The following TASP1 variants were observed in gnomAD, a reference collection of about 807,000 sequenced individuals.
TASP1 encodes the protein taspase 1, also known as threonine aspartase 1.
Under a neutral mutation model 56.6 loss-of-function variants are expected in TASP1, and 16 were observed. The observed-to-expected ratio is 0.28, with a 90% confidence interval of 0.19 to 0.43. The LOEUF (loss-of-function observed/expected upper bound fraction) is 0.43, where lower values mean the gene tolerates loss of function less well. TASP1 is among the 20% of genes least tolerant of loss of function. The pLI, the probability that TASP1 is intolerant of heterozygous loss-of-function variation, is 1.00. For synonymous variants in TASP1, 179 were observed against 184.2 expected (o/e 0.97, Z 0.23); for missense variants, 393 against 511.6 (o/e 0.77, Z 2.24).
At chr20:13,373,235 C>G in the TASP1 span, among the ~76,000 whole-genome samples, 1 of 151,530 alleles carries the variant, frequency 6.6e-6, no homozygotes, top group African/African-American at 2.4e-5. Context: ...TATTATAGCC[C>G]CAACAATACA....
chr20:13,593,380 G>C (rs1011381282), intron 4 of TASP1, among the ~76,000 whole-genome samples: 1 of 152,198 alleles, frequency 6.6e-6, no homozygotes, highest in Non-Finnish European at 1.5e-5. Flanking sequence ...AGGCCACGGA[G>C]GGTGAGCCGA....
chr20:13,392,730 CA>C (rs1388199277), intron 13 of TASP1: 1 of 575,902 alleles, frequency 1.7e-6, no homozygotes, highest in African/African-American at 1.9e-5. Context: ...CGCTGGTCAC[CA>C]GGGCTGCTTT....
At chr20:13,242,793 A>T in the TASP1 span, among the ~76,000 whole-genome samples, 3 of 152,162 alleles carry the variant, frequency 2.0e-5, no homozygotes, top group African/African-American at 4.8e-5. Flanking sequence ...AGCTTAAGAC[A>T]TCGGGTTCCT....
At chr20:13,307,095 A>G in the TASP1 span, among the ~76,000 whole-genome samples, 1 of 152,208 alleles carries the variant, frequency 6.6e-6, no homozygotes, top group East Asian at 1.9e-4. Context: ...ACTACTCACC[A>G]GCAGCAAATG....
the TASP1 span, chr20:13,299,552 T>G: frequency 2.6e-6 from 3 of 1,150,288 alleles, no homozygotes; most frequent in Admixed American, 4.3e-5. This position sits in a 1 kb window ranked among gnomAD's most constrained non-coding sequence, Gnocchi z 5.8. Context: ...CCTTCATAGC[T>G]GCGGTCGTGT....
At chr20:13,481,910 GC>G (rs1805384773) in intron 11 of TASP1, among the ~76,000 whole-genome samples, 1 of 152,042 alleles carries the variant, frequency 6.6e-6, no homozygotes. Context: ...CTATGGAGAA[GC>G]TTTTTAACTT....
At chr20:13,245,874 G>C in the TASP1 span, among the ~76,000 whole-genome samples, 1 of 152,128 alleles carries the variant, frequency 6.6e-6, no homozygotes, top group Non-Finnish European at 1.5e-5. Context: ...TTTATAGGCT[G>C]CATTTTCAGC....
the TASP1 span, among the ~76,000 whole-genome samples, chr20:13,240,387 G>T: frequency 6.6e-6 from 1 of 152,330 alleles, no homozygotes; most frequent in Non-Finnish European, 1.5e-5. Context: ...TGATGGAAAA[G>T]TGACACTTGA....
chr20:13,596,206 C>A (rs1280063038), intron 4 of TASP1, among the ~76,000 whole-genome samples: 1 of 151,970 alleles, frequency 6.6e-6, no homozygotes, highest in Non-Finnish European at 1.5e-5. Context: ...AACCCCATCT[C>A]TACTAAAAAT....
At chr20:13,620,707 A>T (rs1290815200) in intron 4 of TASP1, among the ~76,000 whole-genome samples, 1 of 152,250 alleles carries the variant, frequency 6.6e-6, no homozygotes, top group African/African-American at 2.4e-5. Flanking sequence ...AAAACTAAAG[A>T]TAAGTGTTTA....
intron 10 of TASP1, among the ~76,000 whole-genome samples, chr20:13,495,563 C>T (rs1380154619): frequency 6.6e-6 from 1 of 152,044 alleles, no homozygotes; most frequent in Non-Finnish European, 1.5e-5. Context: ...TGTCTTACCA[C>T]CAACTAGAAA....
the TASP1 span, among the ~76,000 whole-genome samples, chr20:13,122,630 T>C: frequency 0.033 from 5,093 of 152,318 alleles, 162 homozygotes; most frequent in African/African-American, 0.086. Context: ...AGTACCTACC[T>C]TAAAGAGTTA....
At chr20:13,215,728 T>C in the TASP1 span, among the ~76,000 whole-genome samples, 3 of 152,330 alleles carry the variant, frequency 2.0e-5, no homozygotes, top group South Asian at 4.1e-4. Flanking sequence ...GTCTCTTGCA[T>C]TCTCTGTACA....
chr20:13,154,439 C>T, the TASP1 span, among the ~76,000 whole-genome samples: 1 of 152,202 alleles, frequency 6.6e-6, no homozygotes, highest in African/African-American at 2.4e-5. Flanking sequence ...GAGCCTCCTT[C>T]TGACCCAAGA....
At chr20:13,135,565 T>C in the TASP1 span, among the ~76,000 whole-genome samples, 12 of 152,246 alleles carry the variant, frequency 7.9e-5, no homozygotes, top group African/African-American at 2.9e-4. Context: ...CTATATATCT[T>C]ACCAAGCACT....
chr20:13,342,637 C>T, the TASP1 span, among the ~76,000 whole-genome samples: 2 of 152,312 alleles, frequency 1.3e-5, no homozygotes, highest in East Asian at 1.9e-4. Context: ...AGACAATCCC[C>T]GCCTGAGGAA....
At chr20:13,411,824 C>T (rs2123716628) in intron 13 of TASP1, among the ~76,000 whole-genome samples, 1 of 152,356 alleles carries the variant, frequency 6.6e-6, no homozygotes, top group African/African-American at 2.4e-5. Flanking sequence ...CTCCAGATTT[C>T]TGTGTCATGG....
chr20:13,342,035 T>A, the TASP1 span, among the ~76,000 whole-genome samples: 2 of 152,184 alleles, frequency 1.3e-5, no homozygotes, highest in Non-Finnish European at 2.9e-5. Context: ...ATTTGATTAG[T>A]CAAAGCAAGT....
intron 2 of TASP1, among the ~76,000 whole-genome samples, chr20:13,625,687 A>G (rs2048863637): frequency 6.6e-6 from 1 of 152,226 alleles, no homozygotes; most frequent in African/African-American, 2.4e-5. Context: ...GTAATTCAGA[A>G]AGCTGAATCG....
Sources: allele counts gnomAD v4.1 joint callset (sites outside exome capture counted in the v4.1 genomes callset), GRCh38; gene constraint gnomAD v4.1.1; non-coding constraint Gnocchi (gnomAD v3.1); transcripts MANE v1.5; gene names NCBI Gene and HGNC (gene_info 2026-07-23, HGNC 2026-07-21).